Variants in SVEP1 observed in about 807,000 individuals in gnomAD.
SVEP1 encodes the protein sushi, von Willebrand factor type A, EGF and pentraxin domain containing 1.
A neutral mutation model predicts 367.3 loss-of-function variants in SVEP1; 164 were observed. The ratio of observed to expected loss-of-function variants is 0.45; its 90% confidence interval spans 0.39 to 0.51. The LOEUF (loss-of-function observed/expected upper bound fraction) is 0.51. Among genes scored for constraint, SVEP1 ranks in the 20% least tolerant of loss-of-function variants. The probability of loss-of-function intolerance (pLI) is 0.00; values close to 1 mark genes in which losing one functional copy is unlikely to be tolerated. For synonymous variants in SVEP1, 1,666 were observed against 1,611.6 expected (o/e 1.03, Z -0.81); for missense variants, 4,117 against 4,425.3 (o/e 0.93, Z 1.98).
At position 110,406,889 on chromosome 9, in the gene SVEP1, C is replaced by A. The variant is rs373645302; in HGVS notation, c.8711G>T (p.Gly2904Val). ...TTCCTTCATGAAGCCATAGTCCAGG[C>A]CTTCCGTCACCCCATTGGCCAGTTG... ...PPQLANGVTE[G>V]LDYGFMKEVT... is the part of the protein sequence containing the mutation. The change falls in exon 38 of 48, where the codon GGC becomes GTC. Residue 2904 changes from glycine to valine, a missense_variant. Transcript: ENST00000374469. 15 of 1,613,856 alleles carry A rather than the reference C, an allele frequency of 9.3e-6. No individual in the cohort carries two copies. Among genetic ancestry groups the A allele is most frequent in the Middle Eastern group, 1.6e-4 (1 of 6,084 alleles).
intron 47 of SVEP1, 38 bp downstream of exon 47, chr9:110,369,885 T>G: frequency 1.3e-6 from 2 of 1,562,796 alleles, no homozygotes; most frequent in Non-Finnish European, 1.8e-6. Flanking sequence ...TTTAGAGTCT[T>G]CATGTTATAG....
Position 110,387,330 on chromosome 9 carries a change from A to G in SVEP1, c.10015T>C (p.Cys3339Arg). The change falls in exon 42 of 48, where the codon TGC becomes CGC. Residue 3339 changes from cysteine (C) to arginine (R), a missense_variant. Around this residue, in one of 4 missense-constraint regions of SVEP1, gnomAD observed 1,765 missense variants for 1,781.1 expected, o/e 0.99. Coordinates refer to ENST00000374469, the MANE Select transcript of SVEP1 (RefSeq NM_153366.4). ...YSLEGPSEAHCTENGTWSHPV... is the reference protein window; with the variant it reads ...YSLEGPSEAHRTENGTWSHPV... The stretch of plus-strand genomic sequence containing the variant: ...TGGCTCCAGGTTCCATTTTCTGTGC[A>G]GTGTGCCTCAGATGGCCCTTCAAGA... 1 of 1,612,072 alleles carries G rather than the reference A, an allele frequency of 6.2e-7. No individual in the cohort carries two copies. Among genetic ancestry groups the G allele is most frequent in the Non-Finnish European group, 8.5e-7 (1 of 1,179,468 alleles).
At chr9:110,529,579 C>A (rs1407649372) in intron 3 of SVEP1, among the ~76,000 whole-genome samples, 1 of 148,458 alleles carries the variant, frequency 6.7e-6, no homozygotes, top group Admixed American at 7.0e-5. Context: ...TGGTTCACCT[C>A]CTTGGTTACG....
intron 5 of SVEP1, among the ~76,000 whole-genome samples, chr9:110,510,805 A>G (rs1829699219): frequency 6.6e-6 from 1 of 152,250 alleles, no homozygotes; most frequent in Admixed American, 6.5e-5. Flanking sequence ...TAAAGATTTT[A>G]CACAGAACTT....
At chr9:110,412,773 A>T (rs1475937497) in intron 36 of SVEP1, among the ~76,000 whole-genome samples, 5 of 152,260 alleles carry the variant, frequency 3.3e-5, no homozygotes, top group Non-Finnish European at 7.3e-5. Flanking sequence ...TTATGCAGCC[A>T]AAAAACACAT....
intron 3 of SVEP1, among the ~76,000 whole-genome samples, chr9:110,520,374 T>A (rs1244475888): frequency 6.6e-6 from 1 of 152,192 alleles, no homozygotes; most frequent in Admixed American, 6.5e-5. Flanking sequence ...CTATGAATTG[T>A]TTTCCCTTTT....
rs1480813479 is a variant in SVEP1 at position 110,446,018 on chromosome 9, G to A, written c.4282C>T (p.Leu1428=). 6.2e-7 allele frequency: 1 copy of A among 1,612,532 alleles called. No homozygotes were observed. Among genetic ancestry groups the A allele is most frequent in the South Asian group, 1.1e-5 (1 of 90,936 alleles). ...TAGATGCCAGAAACTTCAAAATCCA[G>A]GTTAAAGCCTGTAGACTGTTCTGCA... is the stretch of plus-strand genomic sequence containing the variant. ...CETEQSTGFN[L]DFEVSGIYGY... Residue 1428 remains leucine (L), a synonymous_variant, in exon 26 of 48, where the codon CTG becomes TTG. Transcript: ENST00000374469.
chr9:110,508,511 C>T (rs560793060), intron 5 of SVEP1, among the ~76,000 whole-genome samples: 29 of 151,990 alleles, frequency 1.9e-4, no homozygotes, highest in Middle Eastern at 3.4e-3. Context: ...CCTGTAATCC[C>T]GGCACTTTGG....
chr9:110,425,584 G>A (rs968667216), intron 36 of SVEP1, among the ~76,000 whole-genome samples: 3 of 152,190 alleles, frequency 2.0e-5, no homozygotes, highest in African/African-American at 4.8e-5. Flanking sequence ...TACATGAGAT[G>A]ATTCACATAG....
chr9:110,516,083 G>GCTAAATAATTATAATATA (rs1829798240), intron 3 of SVEP1, among the ~76,000 whole-genome samples: 1 of 133,160 alleles, frequency 7.5e-6, no homozygotes, highest in Non-Finnish European at 1.6e-5. Flanking sequence ...GGATGCTAAA[G>GCTAAATAATTATAATATA]CTAAATCATT....
rs1443282034 is a variant in SVEP1, at chr9:110,397,451, T to TC, written c.9822+3402dup. ...ACTGGCATAAGACAGGGATGCCCTC[T>TC]CTCACCACTCCTATTCAACATAGTG... is the stretch of plus-strand genomic sequence containing the variant. On this transcript the variant is annotated intron_variant, in intron 40 of 47. Transcript: ENST00000374469. Among the ~76,000 whole-genome samples, 12 of 152,314 alleles carry TC rather than the reference T, an allele frequency of 7.9e-5. No individual in the cohort carries two copies. In the East Asian group the frequency reaches 2.3e-3, roughly 29 times the overall value.
intron 36 of SVEP1, among the ~76,000 whole-genome samples, chr9:110,415,931 T>C (rs926704698): frequency 2.6e-5 from 4 of 152,050 alleles, no homozygotes; most frequent in Non-Finnish European, 5.9e-5. Flanking sequence ...GTGGAGTCTG[T>C]ACCTCATGTG....
chr9:110,538,731 T>G (rs536319456), intron 3 of SVEP1, among the ~76,000 whole-genome samples: 3 of 152,056 alleles, frequency 2.0e-5, no homozygotes, highest in Non-Finnish European at 4.4e-5. Flanking sequence ...TGAAATATAG[T>G]CAATCTCTGC....
At chr9:110,396,820 A>G (rs1177335005) in intron 40 of SVEP1, among the ~76,000 whole-genome samples, 2 of 152,202 alleles carry the variant, frequency 1.3e-5, no homozygotes, top group Non-Finnish European at 2.9e-5. Context: ...GAATAGACCA[A>G]TAACAGGCTC....
intron 9 of SVEP1, among the ~76,000 whole-genome samples, chr9:110,488,117 C>T (rs957500176): frequency 6.6e-6 from 1 of 152,148 alleles, no homozygotes; most frequent in African/African-American, 2.4e-5. Context: ...GCACCTGATA[C>T]CTTCTTGGAT....
At chr9:110,530,881 G>T (rs1301461792) in intron 3 of SVEP1, among the ~76,000 whole-genome samples, 1 of 152,192 alleles carries the variant, frequency 6.6e-6, no homozygotes, top group Admixed American at 6.5e-5. Flanking sequence ...GCTTTTTACA[G>T]CTTCTCATGA....
intron 17 of SVEP1, among the ~76,000 whole-genome samples, chr9:110,466,926 G>C (rs903151155): frequency 6.6e-6 from 1 of 151,994 alleles, no homozygotes; most frequent in Non-Finnish European, 1.5e-5. Flanking sequence ...AATTCATAAG[G>C]ATGATTTGTA....
At chr9:110,436,312 T>A (rs1392225563) in intron 28 of SVEP1, 68 bp downstream of exon 28, 1 of 1,586,812 alleles carries the variant, frequency 6.3e-7, no homozygotes, top group East Asian at 2.2e-5. Flanking sequence ...ATCATTAGGC[T>A]GTTCACATTT....
At chr9:110,374,310 GAACA>G (rs2118942001) in intron 46 of SVEP1, among the ~76,000 whole-genome samples, 1 of 152,220 alleles carries the variant, frequency 6.6e-6, no homozygotes, top group South Asian at 2.1e-4. Context: ...ATTCCACAAA[GAACA>G]TGATCTCGTT....
Sources: allele counts gnomAD v4.1 joint callset (sites outside exome capture counted in the v4.1 genomes callset), GRCh38; gene constraint gnomAD v4.1.1; regional missense constraint gnomAD v4.1.1; transcripts MANE v1.5; gene names NCBI Gene and HGNC (gene_info 2026-07-23, HGNC 2026-07-21).